The following SRP72 variants were observed in gnomAD, a reference collection of about 807,000 sequenced individuals.
SRP72 encodes signal recognition particle subunit SRP72.
SRP72 carries 49 observed loss-of-function variants against 96.3 expected under a neutral mutation model. The observed-to-expected ratio is 0.51, with a 90% CI of 0.40 to 0.65. The LOEUF (loss-of-function observed/expected upper bound fraction) is 0.65, where lower values mean the gene tolerates loss of function less well. Among genes scored for constraint, SRP72 ranks in the 30% least tolerant of loss-of-function variants. The pLI, the probability that SRP72 is intolerant of heterozygous loss-of-function variation, is 0.00. For missense variants in SRP72, 736 were observed against 793.3 expected (o/e 0.93, Z 0.87); for synonymous variants, 267 against 275.2 (o/e 0.97, Z 0.30).
intron 8 of SRP72, 117 bp downstream of exon 8, chr4:56,478,766 G>A (rs886752500): frequency 1.0e-5 from 10 of 996,762 alleles, no homozygotes; most frequent in Non-Finnish European, 1.5e-5. Flanking sequence ...AAAAAGTCCA[G>A]TTGTAGCAAA....
At chr4:56,473,663 G>A (rs1306419466) in intron 3 of SRP72, among the ~76,000 whole-genome samples, 1 of 151,788 alleles carries the variant, frequency 6.6e-6, no homozygotes, top group East Asian at 1.9e-4. Context: ...TACTCGGGAG[G>A]CTGAGGCAGG....
intron 5 of SRP72, chr4:56,476,152 C>T (rs78815274): frequency 0.056 from 8,780 of 155,540 alleles, 802 homozygotes; most frequent in African/African-American, 0.2. Context: ...TATGGTGGCT[C>T]ACAGCTATAG....
At chr4:56,494,405 T>G (rs1450549531) in intron 16 of SRP72, among the ~76,000 whole-genome samples, 1 of 131,202 alleles carries the variant, frequency 7.6e-6, no homozygotes, top group Non-Finnish European at 1.6e-5. Context: ...GCTTTCAGAA[T>G]GCTTTTTTTT....
rs71194110 is a variant in SRP72 at position 56,481,768 on chromosome 4, C to CTTTT, written c.826-1353_826-1350dup. ...CTGTGTTGAGCATATCTGTTGGCTC[C>CTTTT]TTTTTTTTTTTTTTTTTTTTTAAGA... is the stretch of plus-strand genomic sequence containing the variant. On this transcript the variant is annotated intron_variant, in intron 8 of 18. Coordinates refer to ENST00000642900, the MANE Select transcript of SRP72 (RefSeq NM_006947.4). 2.6e-4 allele frequency among the ~76,000 whole-genome samples: 32 copies of CTTTT among 122,598 alleles called. No individual in the cohort carries two copies. The East Asian group carries it at 6.4e-3, about 25-fold the overall frequency. 80.4% of individuals were successfully genotyped at this position (122,598 alleles called of 152,430 possible).
chr4:56,500,234 G>A (rs891828868), intron 17 of SRP72, among the ~76,000 whole-genome samples: 2 of 152,050 alleles, frequency 1.3e-5, no homozygotes, highest in African/African-American at 4.8e-5. Context: ...GAGGCTAGGG[G>A]AGGGATAGCA....
chr4:56,494,614 G>A (rs1721016579), intron 16 of SRP72, among the ~76,000 whole-genome samples: 1 of 151,964 alleles, frequency 6.6e-6, no homozygotes. Flanking sequence ...ATGTTGTCCA[G>A]GCTGGTCTGG....
Position 56,484,848 on chromosome 4 carries a change from C to G in SRP72, c.1070C>G (p.Ala357Gly). Residue 357 changes from alanine to glycine, a missense_variant, in exon 10 of 19, where the codon GCA (alanine) becomes GGA (glycine). Physicochemically the swap from Ala to Gly is moderately conservative, Grantham distance 60. This residue lies in a region of SRP72 where 388 missense variants were observed against 431.8 expected (regional missense o/e 0.90). Coordinates refer to ENST00000642900, the MANE Select transcript of SRP72 (RefSeq NM_006947.4). ...QLCREKQHTK[A>G]IELLQEFSDQ... ...TGCCGTGAAAAGCAGCACACAAAAG[C>G]AATAGAGCTGCTTCAGGTAAAATAA... 1.2e-6 allele frequency: 2 copies of G among 1,610,376 alleles called. No individual in the cohort carries two copies. The highest frequency in any genetic ancestry group is 3.4e-5 in the Admixed American group (2 of 58,774).
At position 56,501,903 on chromosome 4, in the gene SRP72, G is replaced by T. The variant is rs1423370181; in HGVS notation, c.*42G>T. 6.4e-7 allele frequency: 1 copy of T among 1,569,956 alleles called. No individual in the cohort carries two copies. Among genetic ancestry groups the T allele is most frequent in the African/African-American group, 1.4e-5 (1 of 73,908 alleles). On this transcript the variant is annotated 3_prime_UTR_variant, in exon 19 of 19. Coordinates refer to ENST00000642900, the MANE Select transcript of SRP72 (RefSeq NM_006947.4). ...GCAGGCTGTTTTTAAACTAGTGTCA[G>T]TGACACTAGGAATATAATAAAGGTA...
intron 13 of SRP72, 23 bp from the exon 14 acceptor site, chr4:56,490,310 T>A: frequency 6.3e-7 from 1 of 1,596,488 alleles, no homozygotes; most frequent in Non-Finnish European, 8.5e-7. Context: ...GAAACTTTTT[T>A]TTTCTTTTTA....
At chr4:56,473,241 T>C (rs1020887304) in intron 3 of SRP72, among the ~76,000 whole-genome samples, 2 of 151,888 alleles carry the variant, frequency 1.3e-5, no homozygotes, top group Non-Finnish European at 1.5e-5. Flanking sequence ...GGGCGGATCA[T>C]GAGGTCAGGA....
intron 17 of SRP72, among the ~76,000 whole-genome samples, chr4:56,500,064 G>C (rs571535939): frequency 2.0e-5 from 3 of 149,332 alleles, no homozygotes; most frequent in East Asian, 4.1e-4. Context: ...TCCTTTGCAG[G>C]GACATGGATG....
At chr4:56,479,424 C>T (rs544863594) in intron 8 of SRP72, among the ~76,000 whole-genome samples, 2 of 152,224 alleles carry the variant, frequency 1.3e-5, no homozygotes, top group East Asian at 3.9e-4. Flanking sequence ...CGTGATCCGC[C>T]CACCTCAGCC....
At chr4:56,498,052 C>T (rs1312653724) in intron 17 of SRP72, among the ~76,000 whole-genome samples, 1 of 151,992 alleles carries the variant, frequency 6.6e-6, no homozygotes, top group African/African-American at 2.4e-5. Flanking sequence ...TTTTCCACTC[C>T]TCTATTATAT....
At chr4:56,501,530 G>A (rs1163938585) in intron 18 of SRP72, among the ~76,000 whole-genome samples, 154 bp from the exon 19 acceptor site, 4 of 152,150 alleles carry the variant, frequency 2.6e-5, no homozygotes, top group Non-Finnish European at 5.9e-5. Context: ...TTATTCAAAA[G>A]AAAAGTCGAT....
intron 6 of SRP72, chr4:56,476,926 A>G (rs1019625598): frequency 1.0e-5 from 5 of 487,600 alleles, no homozygotes; most frequent in African/African-American, 8.0e-5. Context: ...TTGATTATAC[A>G]TTTATATAAT....
intron 16 of SRP72, among the ~76,000 whole-genome samples, chr4:56,493,241 G>A (rs548860014): frequency 8.6e-5 from 13 of 151,720 alleles, no homozygotes; most frequent in African/African-American, 1.5e-4. Flanking sequence ...TCACCATGTC[G>A]ATCAGGCTGG....
intron 11 of SRP72, among the ~76,000 whole-genome samples, chr4:56,486,782 G>C (rs1213870842): frequency 3.3e-5 from 5 of 152,090 alleles, no homozygotes; most frequent in Admixed American, 1.3e-4. Flanking sequence ...TCTTAGCTTG[G>C]CCCTTCATCC....
At chr4:56,470,985 A>G (rs1221472525) in intron 2 of SRP72, among the ~76,000 whole-genome samples, 1 of 152,154 alleles carries the variant, frequency 6.6e-6, no homozygotes, top group East Asian at 1.9e-4. Context: ...TAATTTTAGT[A>G]GAGACAGGGT....
chr4:56,483,270 G>GGT lies in SRP72; in HGVS notation c.957+2_957+3dup. On this transcript the variant is annotated frameshift_variant and splice_region_variant. Transcript: ENST00000642900. LOFTEE classifies it high-confidence loss of function. ...CTTTACTTGCTATGTACACAAACCA[G>GGT]GTGGGTAATTACCTTTGGTGTCATG... The GGT allele has an allele frequency of 6.2e-7, 1 of 1,612,212 alleles. No homozygotes were observed. The highest frequency in any genetic ancestry group is 8.5e-7 in the Non-Finnish European group (1 of 1,179,348).
Sources: allele counts gnomAD v4.1 joint callset (sites outside exome capture counted in the v4.1 genomes callset), GRCh38; gene constraint gnomAD v4.1.1; regional missense constraint gnomAD v4.1.1; transcripts MANE v1.5; gene names NCBI Gene and HGNC (gene_info 2026-07-23, HGNC 2026-07-21).